COPG2: variants seen among roughly 807,000 people sequenced by gnomAD.
The protein encoded by COPG2 is coatomer subunit gamma-2.
A neutral mutation model predicts 46.3 loss-of-function variants in COPG2; 37 were observed. The observed-to-expected ratio is 0.80, with a 90% CI of 0.61 to 1.05. The LOEUF is 1.05. COPG2 is among the 50% of genes least tolerant of loss of function. COPG2 has a pLI of 0.00. For synonymous variants in COPG2, 159 were observed against 129.7 expected (o/e 1.23, Z -1.53); for missense variants, 427 against 387.8 (o/e 1.10, Z -0.85).
intron 5 of COPG2, among the ~76,000 whole-genome samples, chr7:130,627,761 G>C (rs1554454471): frequency 7.1e-6 from 1 of 141,244 alleles, no homozygotes; most frequent in Non-Finnish European, 1.6e-5. Context: ...AAAGACTTTG[G>C]GGATGCGGGG....
chr7:130,522,696 G>A (rs916496869), intron 20 of COPG2, among the ~76,000 whole-genome samples: 5 of 152,054 alleles, frequency 3.3e-5, no homozygotes, highest in Admixed American at 3.3e-4. Context: ...GCTTCCATGG[G>A]AAGACTACCA....
intron 4 of COPG2, among the ~76,000 whole-genome samples, chr7:130,662,106 T>C (rs1437236452): frequency 1.3e-5 from 2 of 152,310 alleles, no homozygotes; most frequent in East Asian, 3.9e-4. Context: ...TGACATCTTC[T>C]GCTAGTAGAA....
chr7:130,599,930 A>G (rs1316890872), intron 9 of COPG2, among the ~76,000 whole-genome samples: 2 of 152,198 alleles, frequency 1.3e-5, no homozygotes, highest in African/African-American at 4.8e-5. Context: ...GCAGTTTTCT[A>G]TAAGTACAGT....
intron 9 of COPG2, among the ~76,000 whole-genome samples, chr7:130,595,071 TA>T (rs2116470273): frequency 6.6e-6 from 1 of 152,338 alleles, no homozygotes; most frequent in Admixed American, 6.5e-5. Flanking sequence ...TGACCATTTA[TA>T]GCAGCATTAT....
Position 130,611,050 on chromosome 7 carries a change from T to C in COPG2, c.640A>G (p.Met214Val). The C allele has an allele frequency of 6.2e-7, 1 of 1,613,794 alleles. No individual in the cohort carries two copies. Among genetic ancestry groups the C allele is most frequent in the South Asian group, 1.1e-5 (1 of 91,090 alleles). ...RKNDRLAVSK[M>V]LNKFTKSGLK... Reference sequence around the variant, plus strand: ...CCAGATTTAGTAAACTTATTCAACATCTTGGAAACAGCAAGTCGATCATTC... The same window carrying C: ...CCAGATTTAGTAAACTTATTCAACACCTTGGAAACAGCAAGTCGATCATTC... Residue 214 changes from methionine (M) to valine (V), a missense_variant, in exon 9 of 24, where the codon ATG (methionine) becomes GTG (valine). By Grantham distance (21) the Met-to-Val change is conservative. Coordinates refer to ENST00000425248, the MANE Select transcript of COPG2 (RefSeq NM_012133.6).
chr7:130,652,462 A>G (rs1795766301), intron 5 of COPG2, among the ~76,000 whole-genome samples: 1 of 152,192 alleles, frequency 6.6e-6, no homozygotes, highest in African/African-American at 2.4e-5. Flanking sequence ...GTTACTAGTG[A>G]GAACGACTAT....
At chr7:130,663,148 G>A in intron 3 of COPG2, 110 bp from the exon 4 acceptor site, 1 of 605,280 alleles carries the variant, frequency 1.7e-6, no homozygotes. Context: ...TAGAACTCAA[G>A]AAAAAAGAAT....
intron 12 of COPG2, among the ~76,000 whole-genome samples, chr7:130,557,539 G>A (rs1793646720): frequency 3.3e-5 from 5 of 152,218 alleles, no homozygotes; most frequent in African/African-American, 1.2e-4. Context: ...GGGCATGGTG[G>A]CTCATGCCTG....
At chr7:130,534,880 G>A (rs1799863328) in intron 20 of COPG2, among the ~76,000 whole-genome samples, 1 of 151,978 alleles carries the variant, frequency 6.6e-6, no homozygotes, top group East Asian at 1.9e-4. Context: ...AGGAGGAAGA[G>A]GAGGAAGTAG....
chr7:130,648,315 T>C (rs2116225913), intron 5 of COPG2, among the ~76,000 whole-genome samples: 1 of 152,306 alleles, frequency 6.6e-6, no homozygotes, highest in East Asian at 1.9e-4. Context: ...TAAGTCTCAC[T>C]GGGCTAAAAT....
intron 23 of COPG2, 81 bp downstream of exon 23, chr7:130,507,193 G>C: frequency 1.3e-6 from 1 of 755,972 alleles, no homozygotes; most frequent in Non-Finnish European, 2.5e-6. Flanking sequence ...TGGGACAACA[G>C]CAAGGCATAA....
chr7:130,534,088 G>T (rs1799856738), intron 20 of COPG2, among the ~76,000 whole-genome samples: 7 of 152,054 alleles, frequency 4.6e-5, no homozygotes, highest in Admixed American at 4.6e-4. Context: ...AGACCTCATG[G>T]TGCAAATTGT....
Position 130,549,316 on chromosome 7 carries a change from T to C in COPG2, c.1835A>G (p.Gln612Arg), listed in dbSNP as rs1253326322. Residue 612 changes from glutamine (Q) to arginine (R), a missense_variant and splice_region_variant, in exon 18 of 24, where the codon CAA becomes CGA. Transcript: ENST00000425248. ...GTCTAACCATCAAATCATCATACCT[T>C]GGAAAATGTCTTGCCTGGAAGGAGC... ...KLAPSRQDIF[Q>R]EQLAAIPEFL... The C allele has an allele frequency of 2.5e-6, 1 of 398,448 alleles. No individual in the cohort carries two copies. The highest frequency in any genetic ancestry group is 4.4e-6 in the Non-Finnish European group (1 of 226,028). 24.7% of individuals were successfully genotyped at this position (398,448 alleles called of 1,614,324 possible).
chr7:130,618,146 T>C (rs57533195), intron 5 of COPG2, among the ~76,000 whole-genome samples: 60,559 of 145,910 alleles, frequency 0.42, 15,430 homozygotes, highest in East Asian at 0.58. Flanking sequence ...GTCCTGCACT[T>C]AAAAAATTTT....
chr7:130,668,499 G>GCCGGCTCCAGCTCCGGC (rs1478158979), intron 1 of COPG2, 133 bp downstream of exon 1: 7 of 686,010 alleles, frequency 1.0e-5, no homozygotes, highest in Non-Finnish European at 1.5e-5. Context: ...GAGGGGAGGG[G>GCCGGCTCCAGCTCCGGC]CCGGCTCCAG....
At chr7:130,537,484 G>A (rs1471041507) in intron 20 of COPG2, among the ~76,000 whole-genome samples, 1 of 150,290 alleles carries the variant, frequency 6.7e-6, no homozygotes. Flanking sequence ...TGGTGCAGGT[G>A]GGACAGTACC....
chr7:130,638,528 G>GT (rs1554456719), intron 5 of COPG2, among the ~76,000 whole-genome samples: 1 of 152,124 alleles, frequency 6.6e-6, no homozygotes, highest in African/African-American at 2.4e-5. Context: ...TATACTGTGA[G>GT]CGGAAAACCA....
chr7:130,601,863 C>G (rs74208636), intron 9 of COPG2, among the ~76,000 whole-genome samples: 13 of 146,470 alleles, frequency 8.9e-5, no homozygotes, highest in Middle Eastern at 3.6e-3. Flanking sequence ...AGGAAGGAAG[C>G]AAAGAAGGAA....
chr7:130,644,155 A>G (rs1315482209), intron 5 of COPG2, among the ~76,000 whole-genome samples: 4 of 138,062 alleles, frequency 2.9e-5, no homozygotes, highest in Non-Finnish European at 6.6e-5. Flanking sequence ...ACAAAAAACA[A>G]AAAACTCCAC....
Sources: gnomAD v4.1 joint callset for allele counts (sites outside exome capture counted in the v4.1 genomes callset) on GRCh38, gnomAD v4.1.1 for gene constraint, MANE v1.5 for transcripts, NCBI Gene and HGNC (gene_info 2026-07-23, HGNC 2026-07-21) for gene names.